SCNN1G: variants seen among roughly 807,000 people sequenced by gnomAD.
SCNN1G encodes sodium channel epithelial 1 subunit gamma.
In SCNN1G, 27 loss-of-function variants were observed where a neutral mutation model predicts 64.6. That is an observed-to-expected ratio of 0.42 (90% CI 0.31 to 0.58). The LOEUF is 0.58. SCNN1G is among the 20% of genes least tolerant of loss of function. The pLI, the probability that SCNN1G is intolerant of heterozygous loss-of-function variation, is 0.18. For synonymous variants in SCNN1G, 330 were observed against 314.2 expected (o/e 1.05, Z -0.53); for missense variants, 743 against 823.4 (o/e 0.90, Z 1.19).
At chr16:23,212,934 G>T (rs749110484) in intron 10 of SCNN1G, 40 bp downstream of exon 10, 1 of 1,600,492 alleles carries the variant, frequency 6.2e-7, no homozygotes, top group South Asian at 1.1e-5. Context: ...GAAGCCCCCA[G>T]CCTGGAGCCC....
intron 6 of SCNN1G, among the ~76,000 whole-genome samples, chr16:23,199,537 T>TC (rs971406033): frequency 6.6e-6 from 1 of 152,178 alleles, no homozygotes; most frequent in Non-Finnish European, 1.5e-5. Context: ...AGTAGCTATT[T>TC]CCCCACACTC....
intron 2 of SCNN1G, among the ~76,000 whole-genome samples, chr16:23,188,326 G>A (rs988692034): frequency 6.6e-6 from 1 of 152,096 alleles, no homozygotes; most frequent in African/African-American, 2.4e-5. Flanking sequence ...CTGGGCAACA[G>A]AGCAAGGCCC....
At chr16:23,204,323 A>AG (rs1567267093) in intron 6 of SCNN1G, among the ~76,000 whole-genome samples, 1 of 96,566 alleles carries the variant, frequency 1.0e-5, no homozygotes, top group African/African-American at 3.9e-5. Flanking sequence ...ATATATATAT[A>AG]TATATATATA....
Position 23,194,179 on chromosome 16 carries a change from C to A in SCNN1G, c.818C>A (p.Thr273Lys). 1 of 1,612,474 alleles carries A rather than the reference C, an allele frequency of 6.2e-7. No homozygotes were observed. Among genetic ancestry groups the A allele is most frequent in the South Asian group, 1.1e-5 (1 of 91,068 alleles). Residue 273 changes from threonine to lysine, a missense_variant, in exon 5 of 13, where the codon ACG becomes AAG. Thr to Lys is a moderately conservative substitution (Grantham distance 78). Transcript: ENST00000300061. ...ATTTTCTTCCTCCATAGGAATTTCACGCTTTTCCACCACCCGATGCATGGG... is the reference window on the plus strand; with the variant it reads ...ATTTTCTTCCTCCATAGGAATTTCAAGCTTTTCCACCACCCGATGCATGGG... ...DGVSCDARNF[T>K]LFHHPMHGNC... is the part of the protein sequence containing the mutation.
At chr16:23,214,178 A>G (rs1230332370) in intron 11 of SCNN1G, among the ~76,000 whole-genome samples, 1 of 152,194 alleles carries the variant, frequency 6.6e-6, no homozygotes, top group Non-Finnish European at 1.5e-5. Context: ...TTCCTTAACC[A>G]ATCTGCATCT....
At chr16:23,194,140 T>C (rs755450937) in intron 4 of SCNN1G, 31 bp from the exon 5 acceptor site, 3 of 1,465,112 alleles carry the variant, frequency 2.0e-6, no homozygotes, top group Admixed American at 3.3e-5. Flanking sequence ...ATGGGGGAGA[T>C]CCCTTTCTGA....
chr16:23,193,662 C>T (rs1959748213), intron 4 of SCNN1G, among the ~76,000 whole-genome samples: 1 of 151,992 alleles, frequency 6.6e-6, no homozygotes, highest in African/African-American at 2.4e-5. Flanking sequence ...AATAAAAATA[C>T]AATACAATAC....
At chr16:23,193,548 C>A (rs2141932207) in intron 4 of SCNN1G, among the ~76,000 whole-genome samples, 1 of 152,262 alleles carries the variant, frequency 6.6e-6, no homozygotes, top group Admixed American at 6.5e-5. Flanking sequence ...ACTCAGGAGG[C>A]TGAGGTGGGA....
intron 6 of SCNN1G, among the ~76,000 whole-genome samples, chr16:23,203,614 C>G (rs1959928051): frequency 6.6e-6 from 1 of 151,318 alleles, no homozygotes; most frequent in Non-Finnish European, 1.5e-5. Context: ...ACTAAAAATA[C>G]AAAAAATTAG....
intron 6 of SCNN1G, 44 bp downstream of exon 6, chr16:23,197,471 CT>C (rs764518754): frequency 5.4e-5 from 84 of 1,558,574 alleles, no homozygotes; most frequent in Non-Finnish European, 6.5e-5. Context: ...GAGAACAGAT[CT>C]TTTTTTTTCC....
Position 23,216,758 on chromosome 16 carries a change from T to C in SCNN1G, c.*1289T>C, listed in dbSNP as rs1225753605. The C allele has an allele frequency of 6.6e-6, 1 of 152,218 alleles. No individual in the cohort carries two copies. The highest frequency in any genetic ancestry group is 1.5e-5 in the Non-Finnish European group (1 of 68,040). The allele number at this position is 152,218 out of a possible 1,614,324, so 9.4% of individuals were successfully genotyped here. ...CAGGGATTACAGGCACAAGCCACCG[T>C]GCCCAGCCAAGAATTTTTATTTTTG... On this transcript the variant is annotated 3_prime_UTR_variant, in exon 13 of 13. Transcript: ENST00000300061.
At position 23,192,078 on chromosome 16, in the gene SCNN1G, G is replaced by GA. The variant is rs35214659; in HGVS notation, c.619-273dup. 0.27 allele frequency among the ~76,000 whole-genome samples: 41,452 copies of GA among 152,036 alleles called. 6,175 individuals are homozygous for GA. The highest frequency in any genetic ancestry group is 0.36 in the Admixed American group (5,441 of 15,264). On this transcript the variant is annotated intron_variant, in intron 3 of 12. Coordinates refer to ENST00000300061, the MANE Select transcript of SCNN1G (RefSeq NM_001039.4). ...AACCTAGGTGCCTAGGGACCCTGAA[G>GA]AGCTGGTTTTGCTTCTTCCTTGGTG...
rs56153525 is a variant in SCNN1G at position 23,215,797 on chromosome 16, G to T, written c.*328G>T. On this transcript the variant is annotated 3_prime_UTR_variant, in exon 13 of 13. Coordinates refer to ENST00000300061, the MANE Select transcript of SCNN1G (RefSeq NM_001039.4). ...AGTGAGGACTGATGCAGCTCTTTAC[G>T]GGTCTTGAGAGGGAAGGACTCTTCC... 2 of 412,520 alleles carry T rather than the reference G, an allele frequency of 4.8e-6. No homozygotes were observed. The highest frequency in any genetic ancestry group is 5.2e-5 in the East Asian group (1 of 19,306). The allele number at this position is 412,520 out of a possible 1,614,324, so 25.6% of individuals were successfully genotyped here.
chr16:23,214,899 C>T, intron 12 of SCNN1G, 112 bp downstream of exon 12: 1 of 1,101,022 alleles, frequency 9.1e-7, no homozygotes. Flanking sequence ...TCTAGGAGGG[C>T]TGTTGTAGGC....
In SCNN1G at chr16:23,197,249, G is replaced by A; in HGVS notation, c.914-15G>A. On this transcript the variant is annotated splice_polypyrimidine_tract_variant and intron_variant, in intron 5 of 12. Coordinates refer to ENST00000300061, the MANE Select transcript of SCNN1G (RefSeq NM_001039.4). ...TCCTAGCCTTGGATCACAGCAGGTTGTCTTATCCTCCCAGGGCTGCAAGTC... is the reference window on the plus strand; with the variant it reads ...TCCTAGCCTTGGATCACAGCAGGTTATCTTATCCTCCCAGGGCTGCAAGTC... 6.2e-7 allele frequency: 1 copy of A among 1,610,774 alleles called. No individual in the cohort carries two copies. The highest frequency in any genetic ancestry group is 1.1e-5 in the South Asian group (1 of 91,000).
At chr16:23,192,892 G>C (rs759935140) in intron 4 of SCNN1G, among the ~76,000 whole-genome samples, 1 of 151,030 alleles carries the variant, frequency 6.6e-6, no homozygotes. Flanking sequence ...AACATAGCGA[G>C]ACCCCGTCTC....
Position 23,215,347 on chromosome 16 carries a change from C to T in SCNN1G, c.1828C>T (p.His610Tyr). ...DDLPTFNSALHLPPALGTQVP... is the reference protein window; with the variant it reads ...DDLPTFNSALYLPPALGTQVP... ...CCTACCCACTTTCAACTCTGCTTTG[C>T]ACCTGCCTCCAGCCCTAGGAACCCA... Residue 610 changes from histidine (H) to tyrosine (Y), a missense_variant, in exon 13 of 13, where the codon CAC becomes TAC. His to Tyr is a moderately conservative substitution (Grantham distance 83). Coordinates refer to ENST00000300061, the MANE Select transcript of SCNN1G (RefSeq NM_001039.4). 6.2e-7 allele frequency: 1 copy of T among 1,614,198 alleles called. No individual in the cohort carries two copies. The highest frequency in any genetic ancestry group is 8.5e-7 in the Non-Finnish European group (1 of 1,180,046).
rs757535450 is a variant in SCNN1G, at chr16:23,192,426, G to A, written c.693G>A (p.Lys231=). 1 of 1,614,018 alleles carries A rather than the reference G, an allele frequency of 6.2e-7. No individual in the cohort carries two copies. The highest frequency in any genetic ancestry group is 8.5e-7 in the Non-Finnish European group (1 of 1,179,888). ...TCAATGCCATTCAGGAGTGGTATAA[G>A]CTACACTACATGAACATCATGGCAC... ...SGINAIQEWY[K]LHYMNIMAQV... The change falls in exon 4 of 13, where the codon AAG becomes AAA. Residue 231 remains lysine, a synonymous_variant. Coordinates refer to ENST00000300061, the MANE Select transcript of SCNN1G (RefSeq NM_001039.4).
At chr16:23,183,116 C>G (rs1386975783) in intron 1 of SCNN1G, among the ~76,000 whole-genome samples, 1 of 152,260 alleles carries the variant, frequency 6.6e-6, no homozygotes, top group South Asian at 2.1e-4. Flanking sequence ...GTTCAGCCCC[C>G]TTCCCTGCCG....
Sources: allele counts gnomAD v4.1 joint callset (sites outside exome capture counted in the v4.1 genomes callset), GRCh38; gene constraint gnomAD v4.1.1; transcripts MANE v1.5; gene names NCBI Gene and HGNC (gene_info 2026-07-23, HGNC 2026-07-21).